The following IFI44 variants were observed in gnomAD, a reference collection of about 807,000 sequenced individuals.
The protein encoded by IFI44 is interferon induced protein 44.
A neutral mutation model predicts 45.0 loss-of-function variants in IFI44; 42 were observed. The ratio of observed to expected loss-of-function variants is 0.93; its 90% confidence interval spans 0.73 to 1.21. The LOEUF is 1.21. Among genes scored for constraint, IFI44 ranks in the 50% most tolerant of loss-of-function variants. IFI44 has a pLI of 0.00. For synonymous variants in IFI44, 221 were observed against 188.6 expected (o/e 1.17, Z -1.41); for missense variants, 623 against 525.8 (o/e 1.18, Z -1.81).
chr1:78,654,310 C>CCTG, intron 3 of IFI44, 31 bp downstream of exon 3: 1 of 1,173,502 alleles, frequency 8.5e-7, no homozygotes, highest in Non-Finnish European at 1.3e-6. Context: ...TTCTATTACT[C>CCTG]TCTTCATTAT....
rs1407043521 is a variant in IFI44 at position 78,663,750 on chromosome 1, T to C, written c.1289-15T>C. ...GAGATAATCCACTAAGAATATTTTG[T>C]GTTTCTTTTCTCAGGGAATCTAAGG... On this transcript the variant is annotated splice_polypyrimidine_tract_variant and intron_variant, in intron 8 of 8. Coordinates refer to ENST00000370747, the MANE Select transcript of IFI44 (RefSeq NM_006417.5). The C allele has an allele frequency of 5.0e-6, 8 of 1,610,950 alleles. No homozygotes were observed. The highest frequency in any genetic ancestry group is 1.3e-5 in the African/African-American group (1 of 74,764).
Position 78,662,786 on chromosome 1 carries a change from A to C in IFI44, c.1196A>C (p.Asp399Ala), listed in dbSNP as rs1189012241. Residue 399 changes from aspartate to alanine, a missense_variant, in exon 8 of 9, where the codon GAC (aspartate) becomes GCC (alanine). By Grantham distance (126) the Asp-to-Ala change is moderately radical. Coordinates refer to ENST00000370747, the MANE Select transcript of IFI44 (RefSeq NM_006417.5). ...VSNYSSEWEL[D>A]PVKDVLILSA... ...AATTATTCCTCTGAGTGGGAGCTGG[A>C]CCCTGTAAAGGATGTTCTAATTCTT... The C allele has an allele frequency of 1.9e-6, 3 of 1,613,464 alleles. No homozygotes were observed. In the East Asian group the frequency reaches 6.7e-5, roughly 36 times the overall value.
chr1:78,659,452 C>T lies in IFI44; in HGVS notation c.981C>T (p.Ile327=), dbSNP rs745437245. ...QYFSSQMIVK[I]KRIRRELVNA... ...TCTCCTCTCAGATGATAGTAAAGAT[C>T]AAAAGAATTCGAAGGGAGTTGGTAA... The change falls in exon 6 of 9, where the codon ATC becomes ATT. Residue 327 remains isoleucine, a synonymous_variant. Transcript: ENST00000370747. The T allele has an allele frequency of 3.2e-5, 52 of 1,612,876 alleles. No individual in the cohort carries two copies. Among genetic ancestry groups the T allele is most frequent in the Non-Finnish European group, 4.3e-5 (51 of 1,179,334 alleles).
rs1056664705 is a variant in IFI44 at position 78,650,133 on chromosome 1, C to T, written c.-10-53C>T. On this transcript the variant is annotated intron_variant, in intron 1 of 8. Transcript: ENST00000370747. Reference sequence around the variant, plus strand: ...GGCATAAATGCAAATTTTATAACTACATATTATCTGTTTTTTAATATTTAA... The same window carrying T: ...GGCATAAATGCAAATTTTATAACTATATATTATCTGTTTTTTAATATTTAA... 1.4e-5 allele frequency: 18 copies of T among 1,288,030 alleles called. No homozygotes were observed. In the African/African-American group the frequency reaches 2.7e-4, roughly 19 times the overall value. The allele number at this position is 1,288,030 out of a possible 1,614,324, so 79.8% of individuals were successfully genotyped here. A position where few individuals can be genotyped will look rare whatever the true frequency, so the allele number is the denominator to read the frequency against.
At position 78,654,029 on chromosome 1, in the gene IFI44, T is replaced by C. The variant is rs994557831; in HGVS notation, c.458-214T>C. Among the ~76,000 whole-genome samples the C allele has an allele frequency of 6.6e-5, 10 of 152,200 alleles. No individual in the cohort carries two copies. The South Asian group carries it at 1.2e-3, about 19-fold the overall frequency. ...TCTGCTGATAGTACAGAGGGTCTACTTACCTCTAGCCCTAGCCTCTTCAAA... is the reference window on the plus strand; with the variant it reads ...TCTGCTGATAGTACAGAGGGTCTACCTACCTCTAGCCCTAGCCTCTTCAAA... On this transcript the variant is annotated intron_variant, in intron 2 of 8. Transcript: ENST00000370747.
intron 7 of IFI44, 55 bp from the exon 8 acceptor site, chr1:78,662,649 C>T: frequency 2.2e-6 from 3 of 1,358,470 alleles, no homozygotes; most frequent in Non-Finnish European, 3.1e-6. Context: ...TTTATACTAA[C>T]ATAAAATAAT....
At chr1:78,662,939 G>A in intron 8 of IFI44, 61 bp downstream of exon 8, 1 of 1,612,080 alleles carries the variant, frequency 6.2e-7, no homozygotes, top group Non-Finnish European at 8.5e-7. Flanking sequence ...CTTTCTGCTT[G>A]GATCTATTAA....
chr1:78,651,688 G>A (rs1410152894), intron 2 of IFI44, among the ~76,000 whole-genome samples: 1 of 152,142 alleles, frequency 6.6e-6, no homozygotes, highest in East Asian at 1.9e-4. Context: ...TTTGACAAAT[G>A]TATCCTCCTT....
intron 3 of IFI44, 75 bp from the exon 4 acceptor site, chr1:78,654,938 GA>G: frequency 1.8e-6 from 2 of 1,122,508 alleles, no homozygotes; most frequent in Non-Finnish European, 2.4e-6. Context: ...ATGAAAAAAT[GA>G]ATTCTCAGAA....
At chr1:78,658,917 T>G (rs1647298141) in intron 5 of IFI44, among the ~76,000 whole-genome samples, 1 of 151,930 alleles carries the variant, frequency 6.6e-6, no homozygotes, top group African/African-American at 2.4e-5. Flanking sequence ...AGATGAAGAG[T>G]AAAGTCATCT....
chr1:78,654,880 T>G, intron 3 of IFI44, 134 bp from the exon 4 acceptor site: 2 of 649,692 alleles, frequency 3.1e-6, no homozygotes, highest in South Asian at 6.3e-5. Context: ...TAGGTTCGTC[T>G]CATGTCTTTC....
At chr1:78,651,231 A>G (rs1302283329) in intron 2 of IFI44, among the ~76,000 whole-genome samples, 1 of 152,204 alleles carries the variant, frequency 6.6e-6, no homozygotes, top group African/African-American at 2.4e-5. Context: ...ACAATGAAAT[A>G]ATTACACAAC....
At chr1:78,654,743 T>C (rs1257437321) in intron 3 of IFI44, among the ~76,000 whole-genome samples, 2 of 151,994 alleles carry the variant, frequency 1.3e-5, no homozygotes, top group Non-Finnish European at 2.9e-5. Flanking sequence ...TTGATCTTTA[T>C]GTTTAAAACA....
rs768872437 is a variant in IFI44, at chr1:78,655,184, C to T, written c.665C>T (p.Thr222Ile). Reference protein sequence around the residue: ...GHVTHQALVGTNTTGISEKYR... With the variant: ...GHVTHQALVGINTTGISEKYR... ...GTAACGCATCAGGCTTTGGTGGGCA[C>T]TAATACAACTGGGATATCTGAGAAG... The change falls in exon 4 of 9, where the codon ACT (threonine) becomes ATT (isoleucine). Residue 222 changes from threonine to isoleucine, a missense_variant. By Grantham distance (89) the Thr-to-Ile change is moderately conservative. Coordinates refer to ENST00000370747, the MANE Select transcript of IFI44 (RefSeq NM_006417.5). The T allele has an allele frequency of 1.9e-6, 3 of 1,613,676 alleles. No individual in the cohort carries two copies. The highest frequency in any genetic ancestry group is 2.7e-5 in the African/African-American group (2 of 74,896).
At chr1:78,655,542 G>T in intron 5 of IFI44, 31 bp downstream of exon 5, 2 of 1,559,024 alleles carry the variant, frequency 1.3e-6, no homozygotes, top group South Asian at 1.2e-5. Context: ...AATTATAACT[G>T]ATTTTTAAAA....
Position 78,655,523 on chromosome 1 carries a change from C to T in IFI44, c.840+12C>T. 6.3e-7 allele frequency: 1 copy of T among 1,590,136 alleles called. No homozygotes were observed. The highest frequency in any genetic ancestry group is 8.6e-7 in the Non-Finnish European group (1 of 1,167,606). ...GTGATAGATACCAGGTAATATTTGACTAATGAGAAATTATAACTGATTTTT... is the reference window on the plus strand; with the variant it reads ...GTGATAGATACCAGGTAATATTTGATTAATGAGAAATTATAACTGATTTTT... On this transcript the variant is annotated intron_variant, in intron 5 of 8. Transcript: ENST00000370747.
chr1:78,661,570 GA>G (rs945149039), intron 7 of IFI44, among the ~76,000 whole-genome samples: 4 of 152,028 alleles, frequency 2.6e-5, no homozygotes, highest in African/African-American at 4.8e-5. Flanking sequence ...CACAGATCAT[GA>G]AAAAAATTCC....
chr1:78,655,363 A>G lies in IFI44; in HGVS notation c.692A>G (p.Tyr231Cys), dbSNP rs115031382. ...AAATTGCTTTTCTCCCCTCTACAGT[A>G]TAGGACATACTCTATTAGAGACGGG... ...GTNTTGISEKYRTYSIRDGKD... is the reference protein window; with the variant it reads ...GTNTTGISEKCRTYSIRDGKD... The change falls in exon 5 of 9, where the codon TAT (tyrosine) becomes TGT (cysteine). Residue 231 changes from tyrosine to cysteine, a missense_variant and splice_region_variant. Tyr to Cys is a radical substitution (Grantham distance 194). Coordinates refer to ENST00000370747, the MANE Select transcript of IFI44 (RefSeq NM_006417.5). 1.2e-4 allele frequency: 198 copies of G among 1,608,686 alleles called. No individual in the cohort carries two copies. The African/African-American group carries it at 2.2e-3, about 18-fold the overall frequency.
chr1:78,650,192 A>G lies in IFI44; in HGVS notation c.-4A>G, dbSNP rs753628573. 1 of 1,588,046 alleles carries G rather than the reference A, an allele frequency of 6.3e-7. No homozygotes were observed. Among genetic ancestry groups the G allele is most frequent in the South Asian group, 1.1e-5 (1 of 87,928 alleles). On this transcript the variant is annotated 5_prime_UTR_variant, in exon 2 of 9. Transcript: ENST00000370747. ...ATATATGATTTGCCACTAGATCAAG[A>G]AGTATGGCAGTGACAACTCGTTTGA...
Sources: gnomAD v4.1 joint callset for allele counts (sites outside exome capture counted in the v4.1 genomes callset) on GRCh38, gnomAD v4.1.1 for gene constraint, MANE v1.5 for transcripts, NCBI Gene and HGNC (gene_info 2026-07-23, HGNC 2026-07-21) for gene names.